Variants in SLC14A2 observed in about 807,000 individuals in gnomAD.
SLC14A2 encodes urea transporter 2.
In SLC14A2, 91 loss-of-function variants were observed where a neutral mutation model predicts 104.6. The observed-to-expected ratio is 0.87, with a 90% confidence interval of 0.73 to 1.04. The LOEUF (loss-of-function observed/expected upper bound fraction) is 1.04. Ranked by LOEUF, SLC14A2 falls within the 50% of genes least tolerant of loss-of-function variation. The probability of loss-of-function intolerance (pLI) is 0.00; values close to 1 mark genes in which losing one functional copy is unlikely to be tolerated. For missense variants in SLC14A2, 1,189 were observed against 1,156.0 expected, an observed-to-expected ratio of 1.03 and a Z score of -0.41; for synonymous variants, 476 against 466.4, an observed-to-expected ratio of 1.02 and a Z score of -0.27.
At chr18:45,497,127 T>G (rs1460175598) in intron 2 of SLC14A2, among the ~76,000 whole-genome samples, 1 of 152,016 alleles carries the variant, frequency 6.6e-6, no homozygotes, top group African/African-American at 2.4e-5. Flanking sequence ...TATATGGGAG[T>G]GTGTATATGT....
chr18:45,235,811 GTGTATATA>G (rs1336487528), intron 1 of SLC14A2, among the ~76,000 whole-genome samples: 1 of 101,120 alleles, frequency 9.9e-6, no homozygotes, highest in African/African-American at 4.6e-5. Flanking sequence ...GTGTGTGTGT[GTGTATATA>G]TATATATATA....
intron 1 of SLC14A2, among the ~76,000 whole-genome samples, chr18:45,244,113 C>T (rs928730889): frequency 6.6e-6 from 1 of 152,164 alleles, no homozygotes; most frequent in African/African-American, 2.4e-5. Context: ...GTTCCGGAAG[C>T]TTAGAAGGCA....
intron 1 of SLC14A2, among the ~76,000 whole-genome samples, chr18:45,277,753 T>C (rs1259152220): frequency 2.0e-5 from 3 of 152,192 alleles, no homozygotes; most frequent in Admixed American, 1.3e-4. Flanking sequence ...TAAAGTTGTT[T>C]TGAAGATAAA....
At chr18:45,343,711 A>G (rs964841090) in intron 1 of SLC14A2, among the ~76,000 whole-genome samples, 2 of 152,154 alleles carry the variant, frequency 1.3e-5, no homozygotes, top group Admixed American at 6.5e-5. Flanking sequence ...GAAGCCTTTG[A>G]AAGGATTCCT....
chr18:45,246,724 C>T (rs972833647), intron 1 of SLC14A2, among the ~76,000 whole-genome samples: 3 of 152,078 alleles, frequency 2.0e-5, no homozygotes, highest in South Asian at 2.1e-4. Flanking sequence ...AGGTGTGTGC[C>T]GCCACACTGG....
At chr18:45,251,526 G>A (rs1459585130) in intron 1 of SLC14A2, among the ~76,000 whole-genome samples, 2 of 152,234 alleles carry the variant, frequency 1.3e-5, no homozygotes, top group East Asian at 3.9e-4. Context: ...CATACTGAAT[G>A]GCTTAAACAA....
intron 1 of SLC14A2, among the ~76,000 whole-genome samples, chr18:45,285,637 C>T (rs943272284): frequency 4.9e-5 from 7 of 144,044 alleles, no homozygotes; most frequent in African/African-American, 8.1e-5. Context: ...AGGCTGGTCT[C>T]GAACTCCTGA....
At chr18:45,354,344 GAGAAATA>G (rs1203340459) in intron 1 of SLC14A2, among the ~76,000 whole-genome samples, 1 of 152,208 alleles carries the variant, frequency 6.6e-6, no homozygotes, top group African/African-American at 2.4e-5. Context: ...GAGAGACCTT[GAGAAATA>G]GGCAGAGCTG....
intron 2 of SLC14A2, among the ~76,000 whole-genome samples, chr18:45,540,341 A>C (rs1598980910): frequency 6.6e-6 from 1 of 151,222 alleles, no homozygotes; most frequent in South Asian, 2.1e-4. Flanking sequence ...CCACATTCCC[A>C]CCCCCAGTGC....
chr18:45,632,413 G>A lies in SLC14A2; in HGVS notation c.585G>A (p.Val195=), dbSNP rs2045359573. 3 of 1,614,002 alleles carry A rather than the reference G, an allele frequency of 1.9e-6. No homozygotes were observed. Among genetic ancestry groups the A allele is most frequent in the Non-Finnish European group, 8.5e-7 (1 of 1,180,012 alleles). ...NGMLVGLLMA[V]FSEKLDYYWW... ...TGCTGGTGGGACTGCTGATGGCCGT[G>A]TTCTCGGAGAAGTTAGACTACTACT... Residue 195 remains valine, a synonymous_variant, in exon 5 of 20, where the codon GTG becomes GTA. Coordinates refer to ENST00000255226, the MANE Select transcript of SLC14A2 (RefSeq NM_007163.4).
At chr18:45,628,231 G>A (rs2045291712) in intron 4 of SLC14A2, among the ~76,000 whole-genome samples, 1 of 151,882 alleles carries the variant, frequency 6.6e-6, no homozygotes, top group Non-Finnish European at 1.5e-5. Flanking sequence ...GGATCACAAA[G>A]TCAAGAGATT....
chr18:45,542,040 T>TTTG (rs2043893609), intron 2 of SLC14A2, among the ~76,000 whole-genome samples: 1 of 70,874 alleles, frequency 1.4e-5, no homozygotes, highest in Non-Finnish European at 2.6e-5. Context: ...AGAGGGTTTT[T>TTTG]TTTTTTTTTT....
chr18:45,428,978 T>G (rs368073455), intron 1 of SLC14A2, among the ~76,000 whole-genome samples: 1 of 152,266 alleles, frequency 6.6e-6, no homozygotes, highest in East Asian at 1.9e-4. Context: ...CACCAGTGCT[T>G]GGTTGAGAAG....
chr18:45,321,894 G>A (rs2085188905), intron 1 of SLC14A2, among the ~76,000 whole-genome samples: 1 of 152,150 alleles, frequency 6.6e-6, no homozygotes, highest in Admixed American at 6.5e-5. Context: ...ATTCTGCAGT[G>A]CCCTGTCAAC....
intron 10 of SLC14A2, among the ~76,000 whole-genome samples, chr18:45,650,752 T>C (rs1391006041): frequency 6.6e-6 from 1 of 152,076 alleles, no homozygotes; most frequent in Non-Finnish European, 1.5e-5. Context: ...TTTTGTTTTG[T>C]TTTTGAGACG....
At chr18:45,625,937 C>A in intron 3 of SLC14A2, 74 bp downstream of exon 3, 1 of 1,164,548 alleles carries the variant, frequency 8.6e-7, no homozygotes, top group Non-Finnish European at 1.1e-6. Flanking sequence ...CGGTTTGGTC[C>A]AAAGCTTCTC....
At chr18:45,170,645 C>T in the SLC14A2 span, among the ~76,000 whole-genome samples, 2 of 152,292 alleles carry the variant, frequency 1.3e-5, no homozygotes, top group East Asian at 3.9e-4. Context: ...TAGAACTTTT[C>T]AATTCACTAG....
At chr18:45,488,704 C>T (rs2087661218) in intron 2 of SLC14A2, among the ~76,000 whole-genome samples, 1 of 152,168 alleles carries the variant, frequency 6.6e-6, no homozygotes, top group Non-Finnish European at 1.5e-5. Flanking sequence ...ATTTAAGGGG[C>T]TGGGAAGGCA....
chr18:45,540,098 G>A (rs535122756), intron 2 of SLC14A2, among the ~76,000 whole-genome samples: 12 of 151,458 alleles, frequency 7.9e-5, no homozygotes, highest in Non-Finnish European at 7.4e-5. Context: ...TTTAATCCTG[G>A]GCACTTTGTG....
Sources: gnomAD v4.1 joint callset for allele counts (sites outside exome capture counted in the v4.1 genomes callset) on GRCh38, gnomAD v4.1.1 for gene constraint, MANE v1.5 for transcripts, NCBI Gene and HGNC (gene_info 2026-07-23, HGNC 2026-07-21) for gene names.